Variants in KIFC3 observed in about 807,000 individuals in gnomAD.
KIFC3 encodes kinesin-like protein KIFC3.
Under a neutral mutation model 101.8 loss-of-function variants are expected in KIFC3, and 60 were observed. The observed-to-expected ratio is 0.59, with a 90% confidence interval of 0.48 to 0.73. The LOEUF (loss-of-function observed/expected upper bound fraction) is 0.73, where lower values mean the gene tolerates loss of function less well. KIFC3 is among the 30% of genes least tolerant of loss of function. The pLI is 0.00. For synonymous variants in KIFC3, 476 were observed against 482.7 expected (o/e 0.99, Z 0.18); for missense variants, 966 against 1,137.1 (o/e 0.85, Z 2.16).
chr16:57,862,345 G>C (rs1271121323), intron 1 of KIFC3, among the ~76,000 whole-genome samples: 2 of 151,892 alleles, frequency 1.3e-5, no homozygotes, highest in Non-Finnish European at 2.9e-5. Flanking sequence ...AAGCTACTTA[G>C]AACATCGTGC....
At chr16:57,762,111 G>GCCTA in intron 13 of KIFC3, 29 bp downstream of exon 13, 1 of 1,564,088 alleles carries the variant, frequency 6.4e-7, no homozygotes, top group Non-Finnish European at 8.7e-7. Context: ...TGCCCCTGAG[G>GCCTA]CCTGCTCCGC....
chr16:57,761,628 A>C, intron 13 of KIFC3, 92 bp from the exon 14 acceptor site: 4 of 1,456,522 alleles, frequency 2.7e-6, no homozygotes, highest in African/African-American at 1.4e-5. Flanking sequence ...TGTTCCCCCA[A>C]CCCAGGAAGC....
intron 1 of KIFC3, among the ~76,000 whole-genome samples, chr16:57,858,353 C>T (rs1196071407): frequency 6.6e-6 from 1 of 152,176 alleles, no homozygotes; most frequent in African/African-American, 2.4e-5. Flanking sequence ...CCCCGGAACA[C>T]AGAAATAGCT....
At chr16:57,853,245 CCT>C (rs1357098284) in intron 1 of KIFC3, among the ~76,000 whole-genome samples, 1 of 152,010 alleles carries the variant, frequency 6.6e-6, no homozygotes, top group East Asian at 1.9e-4. Context: ...ATGGTGAAAC[CCT>C]GTCACTACTA....
At chr16:57,812,033 A>G (rs368063597) in intron 1 of KIFC3, among the ~76,000 whole-genome samples, 14 of 144,100 alleles carry the variant, frequency 9.7e-5, no homozygotes, top group African/African-American at 3.6e-4. Context: ...ACAGAGCGAG[A>G]CCCCGTCTCT....
At chr16:57,775,370 G>A in intron 3 of KIFC3, 3 of 1,090,746 alleles carry the variant, frequency 2.8e-6, no homozygotes, top group Non-Finnish European at 2.2e-6. Flanking sequence ...GAGCACTCTG[G>A]CCAAGGCACC....
At chr16:57,764,108 C>T (rs1162632988) in intron 12 of KIFC3, 35 bp downstream of exon 12, 25 of 1,471,972 alleles carry the variant, frequency 1.7e-5, no homozygotes, top group Non-Finnish European at 2.3e-5. Context: ...CTTCATGCTT[C>T]ACTGTGAACC....
intron 3 of KIFC3, among the ~76,000 whole-genome samples, chr16:57,778,356 G>GA (rs1471915836): frequency 6.6e-6 from 1 of 152,162 alleles, no homozygotes; most frequent in East Asian, 1.9e-4. Flanking sequence ...AAATAGAGGA[G>GA]AAAATGTCAT....
Position 57,758,881 on chromosome 16 carries a change from C to G in KIFC3, c.*53G>C. ...AGCTTCAGGCCCAGCGGGGTCACAT[C>G]CGTCACACAGGCAGTGGCCGCGACT... is the stretch of plus-strand genomic sequence containing the variant. On this transcript the variant is annotated 3_prime_UTR_variant, in exon 20 of 20. Coordinates refer to ENST00000445690, the MANE Select transcript of KIFC3 (RefSeq NM_001130100.2). The G allele has an allele frequency of 6.3e-7, 1 of 1,598,880 alleles. No homozygotes were observed. Among genetic ancestry groups the G allele is most frequent in the South Asian group, 1.1e-5 (1 of 89,412 alleles).
intron 16 of KIFC3, 122 bp downstream of exon 16, chr16:57,760,604 G>T: frequency 9.3e-7 from 1 of 1,077,472 alleles, no homozygotes; most frequent in Non-Finnish European, 1.4e-6. Flanking sequence ...AGTTACACAG[G>T]GTGTGTGTGG....
chr16:57,797,930 G>A (rs1158118851), intron 2 of KIFC3, 142 bp downstream of exon 2: 13 of 1,517,352 alleles, frequency 8.6e-6, no homozygotes, highest in South Asian at 3.8e-5. Flanking sequence ...CTCCACGCCC[G>A]CCTGGCTCTG....
At chr16:57,774,979 C>A (rs1555611038) in intron 3 of KIFC3, 4 of 1,533,860 alleles carry the variant, frequency 2.6e-6, no homozygotes, top group East Asian at 2.5e-5. Context: ...GGCGCACTAA[C>A]CTTGATCATC....
chr16:57,782,519 G>A (rs549153001), intron 3 of KIFC3: 1 of 152,250 alleles, frequency 6.6e-6, no homozygotes, highest in Non-Finnish European at 1.5e-5. Context: ...CCAAAGTCAG[G>A]GTTTGAACCC....
At chr16:57,786,530 A>G (rs2053343343) in intron 3 of KIFC3, among the ~76,000 whole-genome samples, 1 of 152,000 alleles carries the variant, frequency 6.6e-6, no homozygotes, top group Admixed American at 6.6e-5. Context: ...ATGGGGGGCT[A>G]GGGAGGAGGG....
At chr16:57,853,366 C>T (rs1214281844) in intron 1 of KIFC3, among the ~76,000 whole-genome samples, 2 of 151,926 alleles carry the variant, frequency 1.3e-5, no homozygotes, top group Non-Finnish European at 2.9e-5. Flanking sequence ...TTGCAGTGAG[C>T]TGAGACTGTG....
At chr16:57,818,018 T>C (rs2967145) in intron 1 of KIFC3, among the ~76,000 whole-genome samples, 70,185 of 151,314 alleles carry the variant, frequency 0.46, 17,439 homozygotes, top group African/African-American at 0.64. Flanking sequence ...TTCTTTCTTT[T>C]TTTTTTTTTT....
At chr16:57,790,660 C>T (rs968092571) in intron 3 of KIFC3, among the ~76,000 whole-genome samples, 7 of 152,192 alleles carry the variant, frequency 4.6e-5, no homozygotes, top group Middle Eastern at 3.4e-3. Context: ...ATAACAGGAC[C>T]GCCTCATTGA....
intron 1 of KIFC3, among the ~76,000 whole-genome samples, chr16:57,860,858 C>G (rs1036593841): frequency 6.6e-6 from 1 of 152,080 alleles, no homozygotes. Context: ...GCTAGAGGTA[C>G]ATACCACCAC....
chr16:57,813,239 A>G (rs924653797), intron 1 of KIFC3, among the ~76,000 whole-genome samples: 1 of 152,096 alleles, frequency 6.6e-6, no homozygotes, highest in Admixed American at 6.6e-5. Context: ...GAGGCAGGCG[A>G]ATCACTTGAA....
Sources: allele counts gnomAD v4.1 joint callset (sites outside exome capture counted in the v4.1 genomes callset), GRCh38; gene constraint gnomAD v4.1.1; transcripts MANE v1.5; gene names NCBI Gene and HGNC (gene_info 2026-07-23, HGNC 2026-07-21).